FOXRED1: variants seen among roughly 807,000 people sequenced by gnomAD.
The protein encoded by FOXRED1 is FAD-dependent oxidoreductase domain-containing protein 1.
Under a neutral mutation model 57.8 loss-of-function variants are expected in FOXRED1, and 52 were observed. That is an observed-to-expected ratio of 0.90 (90% CI 0.72 to 1.13). FOXRED1 has a LOEUF of 1.13. Among genes scored for constraint, FOXRED1 ranks in the 50% most tolerant of loss-of-function variants. The pLI, the probability that FOXRED1 is intolerant of heterozygous loss-of-function variation, is 0.00. For synonymous variants in FOXRED1, 271 were observed against 248.3 expected, an observed-to-expected ratio of 1.09 and a Z score of -0.86; for missense variants, 589 against 625.2, an observed-to-expected ratio of 0.94 and a Z score of 0.62.
chr11:126,273,260 G>A lies in FOXRED1; in HGVS notation c.418-76G>A. 1 of 1,189,718 alleles carries A rather than the reference G, an allele frequency of 8.4e-7. No homozygotes were observed. The highest frequency in any genetic ancestry group is 1.3e-6 in the Non-Finnish European group (1 of 792,900). 73.7% of individuals were successfully genotyped at this position (1,189,718 alleles called of 1,614,324 possible). On this transcript the variant is annotated intron_variant, in intron 3 of 10. Transcript: ENST00000263578. The surrounding 1 kb of genome is among the most constrained non-coding windows in gnomAD (Gnocchi z 5.9). ...TCTGGGGCACTGAGCCTGGGGAGCT[G>A]TGGGGGAAGAAGGCAGGAAAACTCT...
intron 9 of FOXRED1, chr11:126,276,842 C>T (rs1240893997): frequency 1.9e-6 from 1 of 516,662 alleles, no homozygotes; most frequent in Non-Finnish European, 3.5e-6. Context: ...CGCCATTGCA[C>T]TCCAGCCTGG....
In FOXRED1 at chr11:126,273,145, C is replaced by A; in HGVS notation, c.417+66C>A. ...TCCTTTAGCCCAGAGTGGGGAGCAG[C>A]CCAGCTAGCAAGGTAGCCAGAGAGC... On this transcript the variant is annotated intron_variant, in intron 3 of 10. Coordinates refer to ENST00000263578, the MANE Select transcript of FOXRED1 (RefSeq NM_017547.4). The surrounding 1 kb of genome is among the most constrained non-coding windows in gnomAD (Gnocchi z 5.9). The A allele has an allele frequency of 9.5e-7, 1 of 1,058,098 alleles. No homozygotes were observed. The allele number at this position is 1,058,098 out of a possible 1,614,324, so 65.5% of individuals were successfully genotyped here. A position where few individuals can be genotyped will look rare whatever the true frequency, so the allele number is the denominator to read the frequency against.
rs750902202 is a variant in FOXRED1, at chr11:126,269,356, C to T, written c.85+65C>T. ...TGTCCCCAACCTCCGACTGTGTGTC[C>T]TTCAGGACCCGAAACCATGGCCCAC... is the stretch of plus-strand genomic sequence containing the variant. On this transcript the variant is annotated intron_variant, in intron 1 of 10. Transcript: ENST00000263578. 22 of 1,612,784 alleles carry T rather than the reference C, an allele frequency of 1.4e-5. No individual in the cohort carries two copies. In the African/African-American group the frequency reaches 2.8e-4, roughly 21 times the overall value.
Position 126,274,866 on chromosome 11 carries a change from A to G in FOXRED1, c.537-61A>G. On this transcript the variant is annotated intron_variant, in intron 4 of 10. Transcript: ENST00000263578. This position sits in a 1 kb window ranked among gnomAD's most constrained non-coding sequence, Gnocchi z 4.8. ...CCACTTGTGGAGTTGGGGTCCATAC[A>G]TCATCCCCCTGCACACTCCCCTCTC... 1.0e-6 allele frequency: 1 copy of G among 975,750 alleles called. No individual in the cohort carries two copies. The highest frequency in any genetic ancestry group is 1.7e-6 in the Non-Finnish European group (1 of 596,690). The allele number at this position is 975,750 out of a possible 1,614,324, so 60.4% of individuals were successfully genotyped here. A position where few individuals can be genotyped will look rare whatever the true frequency, so the allele number is the denominator to read the frequency against.
Position 126,273,157 on chromosome 11 carries a change from G to C in FOXRED1, c.417+78G>C. 4 of 1,018,708 alleles carry C rather than the reference G, an allele frequency of 3.9e-6. No homozygotes were observed. The highest frequency in any genetic ancestry group is 3.8e-5 in the South Asian group (3 of 79,294). 63.1% of individuals were successfully genotyped at this position (1,018,708 alleles called of 1,614,324 possible). A position where few individuals can be genotyped will look rare whatever the true frequency, so the allele number is the denominator to read the frequency against. ...GAGTGGGGAGCAGCCCAGCTAGCAAGGTAGCCAGAGAGCAAGAATGGGTCA... is the reference window on the plus strand; with the variant it reads ...GAGTGGGGAGCAGCCCAGCTAGCAACGTAGCCAGAGAGCAAGAATGGGTCA... On this transcript the variant is annotated intron_variant, in intron 3 of 10. Transcript: ENST00000263578. This position sits in a 1 kb window ranked among gnomAD's most constrained non-coding sequence, Gnocchi z 5.9.
At chr11:126,276,876 CAAAAA>C in intron 9 of FOXRED1, 190 bp from the exon 10 acceptor site, 2 of 476,510 alleles carry the variant, frequency 4.2e-6, no homozygotes, top group Non-Finnish European at 3.7e-6. Flanking sequence ...AACTCCATCT[CAAAAA>C]AAAAAAAAAG....
Position 126,271,586 on chromosome 11 carries a change from G to C in FOXRED1, c.235G>C (p.Ala79Pro), listed in dbSNP as rs776204613. Reference protein sequence around the residue: ...VGGGVLGLSVAYWLKKLESRR... With the variant: ...VGGGVLGLSVPYWLKKLESRR... ...AGGTGGGGTGCTTGGCTTGTCTGTG[G>C]CCTATTGGCTGAAGAAGCTGGAGAG... is the stretch of plus-strand genomic sequence containing the variant. Residue 79 changes from alanine to proline, a missense_variant, in exon 2 of 11, where the codon GCC becomes CCC. By Grantham distance (27) the Ala-to-Pro change is conservative (BLOSUM62 -1). Coordinates refer to ENST00000263578, the MANE Select transcript of FOXRED1 (RefSeq NM_017547.4). The surrounding 1 kb of genome is among the most constrained non-coding windows in gnomAD (Gnocchi z 5.3). 33 of 1,614,104 alleles carry C rather than the reference G, an allele frequency of 2.0e-5. No homozygotes were observed. The South Asian group carries it at 3.6e-4, about 18-fold the overall frequency.
Position 126,273,601 on chromosome 11 carries a change from C to T in FOXRED1, c.536+147C>T. 3 of 697,182 alleles carry T rather than the reference C, an allele frequency of 4.3e-6. 1 individual carries two copies. The South Asian group carries it at 4.4e-5, about 10-fold the overall frequency. 43.2% of individuals were successfully genotyped at this position (697,182 alleles called of 1,614,324 possible). On this transcript the variant is annotated intron_variant, in intron 4 of 10. Coordinates refer to ENST00000263578, the MANE Select transcript of FOXRED1 (RefSeq NM_017547.4). The surrounding 1 kb of genome is among the most constrained non-coding windows in gnomAD (Gnocchi z 5.9). Reference sequence around the variant, plus strand: ...GTGTGTCAGGAAGAAAATACACAGACCTGCAATGCCCTGGGAGTGCTGTAC... The same window carrying T: ...GTGTGTCAGGAAGAAAATACACAGATCTGCAATGCCCTGGGAGTGCTGTAC...
intron 8 of FOXRED1, 69 bp downstream of exon 8, chr11:126,276,288 T>A: frequency 2.3e-4 from 1 of 4,396 alleles, no homozygotes; most frequent in Non-Finnish European, 4.3e-4. Flanking sequence ...TTGGATAGCG[T>A]GTGTGTGTGT....
Position 126,276,832 on chromosome 11 carries a change from C to T in FOXRED1, c.1102-239C>T, listed in dbSNP as rs993831559. The T allele has an allele frequency of 6.8e-5, 34 of 500,932 alleles. 1 individual carries two copies. The highest frequency in any genetic ancestry group is 9.8e-5 in the African/African-American group (5 of 51,230). 31.0% of individuals were successfully genotyped at this position (500,932 alleles called of 1,614,324 possible). ...CTGAGGTTGCAGTGAGCCAAGATTG[C>T]GCCATTGCACTCCAGCCTGGGCAAC... is the stretch of plus-strand genomic sequence containing the variant. On this transcript the variant is annotated intron_variant, in intron 9 of 10. Transcript: ENST00000263578.
rs963591551 is a variant in FOXRED1, at chr11:126,274,662, G to C, written c.537-265G>C. On this transcript the variant is annotated intron_variant, in intron 4 of 10. Coordinates refer to ENST00000263578, the MANE Select transcript of FOXRED1 (RefSeq NM_017547.4). This position sits in a 1 kb window ranked among gnomAD's most constrained non-coding sequence, Gnocchi z 4.8. ...GACTCATTGAAAAAAAAAAAAAGAA[G>C]TCATGGAATAGACTGGGATAGCAGG... is the stretch of plus-strand genomic sequence containing the variant. 1 of 448,200 alleles carries C rather than the reference G, an allele frequency of 2.2e-6. No homozygotes were observed. The highest frequency in any genetic ancestry group is 2.0e-5 in the African/African-American group (1 of 49,564). The allele number at this position is 448,200 out of a possible 1,614,324, so 27.8% of individuals were successfully genotyped here. A position where few individuals can be genotyped will look rare whatever the true frequency, so the allele number is the denominator to read the frequency against.
Position 126,277,198 on chromosome 11 carries a change from C to T in FOXRED1, c.1206+23C>T. On this transcript the variant is annotated intron_variant, in intron 10 of 10. Transcript: ENST00000263578. This position sits in a 1 kb window ranked among gnomAD's most constrained non-coding sequence, Gnocchi z 6.8. ...AAGGTAACTGGCAAGGGCTGGTTTT[C>T]CTTTTTATTTTTGGACATTGGATGG... The T allele has an allele frequency of 6.6e-7, 1 of 1,518,136 alleles. No homozygotes were observed. 94.0% of individuals were successfully genotyped at this position (1,518,136 alleles called of 1,614,324 possible). A position where few individuals can be genotyped will look rare whatever the true frequency, so the allele number is the denominator to read the frequency against.
At chr11:126,269,474 C>T (rs1460223436) in intron 1 of FOXRED1, 183 bp downstream of exon 1, 1 of 1,126,988 alleles carries the variant, frequency 8.9e-7, no homozygotes, top group Admixed American at 2.0e-5. Flanking sequence ...CCAAGGCGGC[C>T]CTTTTCAGGT....
Position 126,275,084 on chromosome 11 carries a change from C to A in FOXRED1, c.631+63C>A. On this transcript the variant is annotated intron_variant, in intron 5 of 10. Transcript: ENST00000263578. The surrounding 1 kb of genome is among the most constrained non-coding windows in gnomAD (Gnocchi z 5.9). ...AAGATGGAGACTAAGGGGTGCTACA[C>A]GTTGGGAGTCTCGGTACTCCACAGC... The A allele has an allele frequency of 1.8e-6, 2 of 1,124,364 alleles. No homozygotes were observed. The highest frequency in any genetic ancestry group is 2.7e-6 in the Non-Finnish European group (2 of 735,628). 69.6% of individuals were successfully genotyped at this position (1,124,364 alleles called of 1,614,324 possible).
Position 126,271,380 on chromosome 11 carries a change from C to A in FOXRED1, c.86-57C>A. 2 of 1,321,954 alleles carry A rather than the reference C, an allele frequency of 1.5e-6. No homozygotes were observed. The highest frequency in any genetic ancestry group is 2.2e-6 in the Non-Finnish European group (2 of 913,936). 81.9% of individuals were successfully genotyped at this position (1,321,954 alleles called of 1,614,324 possible). A position where few individuals can be genotyped will look rare whatever the true frequency, so the allele number is the denominator to read the frequency against. On this transcript the variant is annotated intron_variant, in intron 1 of 10. Coordinates refer to ENST00000263578, the MANE Select transcript of FOXRED1 (RefSeq NM_017547.4). The surrounding 1 kb of genome is among the most constrained non-coding windows in gnomAD (Gnocchi z 5.3). ...CCTTTTCCTGTGCCCATCCTCCAAC[C>A]CCCCAACCATGTGGGAAGGAAATGT...
At position 126,273,761 on chromosome 11, in the gene FOXRED1, C is replaced by T; in HGVS notation, c.536+307C>T. Reference sequence around the variant, plus strand: ...ACAAATCTGGGTTTTTAACAAGAACCTTAAGTCAGGAGTTAGCAAACTTTT... The same window carrying T: ...ACAAATCTGGGTTTTTAACAAGAACTTTAAGTCAGGAGTTAGCAAACTTTT... On this transcript the variant is annotated intron_variant, in intron 4 of 10. Coordinates refer to ENST00000263578, the MANE Select transcript of FOXRED1 (RefSeq NM_017547.4). The surrounding 1 kb of genome is among the most constrained non-coding windows in gnomAD (Gnocchi z 5.9). The T allele has an allele frequency of 2.4e-6, 1 of 412,542 alleles. No homozygotes were observed. Among genetic ancestry groups the T allele is most frequent in the Non-Finnish European group, 4.6e-6 (1 of 218,872 alleles). The allele number at this position is 412,542 out of a possible 1,614,324, so 25.6% of individuals were successfully genotyped here.
intron 9 of FOXRED1, among the ~76,000 whole-genome samples, 190 bp downstream of exon 9, chr11:126,276,713 TA>T (rs1175104311): frequency 1.3e-5 from 2 of 151,714 alleles, no homozygotes; most frequent in Non-Finnish European, 2.9e-5. Flanking sequence ...CCGTCTCTAC[TA>T]AAAATACAAA....
chr11:126,269,183 A>G lies in FOXRED1; in HGVS notation c.-24A>G, dbSNP rs745468406. The G allele has an allele frequency of 7.0e-6, 11 of 1,576,188 alleles. No homozygotes were observed. Among genetic ancestry groups the G allele is most frequent in the Non-Finnish European group, 9.6e-6 (11 of 1,146,380 alleles). On this transcript the variant is annotated 5_prime_UTR_variant, in exon 1 of 11. Transcript: ENST00000263578. ...ATAGCGAGGCAGCAGTGCAGCTTTC[A>G]GAGGGTCCGGGCTCAGAGGGGTTAT... is the stretch of plus-strand genomic sequence containing the variant.
rs1478693363 is a variant in FOXRED1, at chr11:126,277,376, G to A, written c.1207-59G>A. The A allele has an allele frequency of 1.9e-6, 3 of 1,600,418 alleles. No homozygotes were observed. The African/African-American group carries it at 4.0e-5, about 21-fold the overall frequency. ...TACTCTGTGCTGAGCCCTGAGGGGAGTGAGGATGGAGTGTGGCTACAGCCT... is the reference window on the plus strand; with the variant it reads ...TACTCTGTGCTGAGCCCTGAGGGGAATGAGGATGGAGTGTGGCTACAGCCT... On this transcript the variant is annotated intron_variant, in intron 10 of 10. Coordinates refer to ENST00000263578, the MANE Select transcript of FOXRED1 (RefSeq NM_017547.4). The surrounding 1 kb of genome is among the most constrained non-coding windows in gnomAD (Gnocchi z 6.8).
Sources: allele counts gnomAD v4.1 joint callset (sites outside exome capture counted in the v4.1 genomes callset), GRCh38; gene constraint gnomAD v4.1.1; non-coding constraint Gnocchi (gnomAD v3.1); transcripts MANE v1.5; gene names NCBI Gene and HGNC (gene_info 2026-07-23, HGNC 2026-07-21).